Variants in BBS9 observed in about 807,000 individuals in gnomAD.
BBS9 encodes Bardet-Biedl syndrome 9.
BBS9 carries 89 observed loss-of-function variants against 117.7 expected under a neutral mutation model. The ratio of observed to expected loss-of-function variants is 0.76; its 90% CI spans 0.64 to 0.90. BBS9 has a LOEUF of 0.90. Among genes scored for constraint, BBS9 ranks in the 40% least tolerant of loss-of-function variants. BBS9 has a pLI of 0.00. For synonymous variants in BBS9, 379 were observed against 370.9 expected (o/e 1.02, Z -0.25); for missense variants, 982 against 1,042.2 (o/e 0.94, Z 0.80).
At position 33,167,164 on chromosome 7, in the gene BBS9, T is replaced by C. The variant is rs773771407; in HGVS notation, c.329-10314T>C. 4.8e-4 allele frequency among the ~76,000 whole-genome samples: 73 copies of C among 152,358 alleles called. 1 individual carries two copies. In the Middle Eastern group the frequency reaches 0.01, roughly 21 times the overall value. On this transcript the variant is annotated intron_variant, in intron 4 of 22. Transcript: ENST00000242067. ...AGTCCATGCTTAATGTTGGACTTAA[T>C]GTCCTCTTAAATAACAGTTGTTTCT...
intron 6 of BBS9, among the ~76,000 whole-genome samples, chr7:33,261,520 G>A (rs764130713): frequency 6.6e-6 from 1 of 152,128 alleles, no homozygotes. Flanking sequence ...TCTGTGTCTC[G>A]AGCTTCCATT....
At chr7:33,565,765 A>T (rs1856743087) in intron 21 of BBS9, among the ~76,000 whole-genome samples, 3 of 126,712 alleles carry the variant, frequency 2.4e-5, no homozygotes, top group Admixed American at 1.6e-4. Context: ...AATACAAAAC[A>T]TTAAGGCTAT....
At chr7:33,530,197 C>T (rs17170281) in intron 20 of BBS9, among the ~76,000 whole-genome samples, 16,796 of 152,190 alleles carry the variant, frequency 0.11, 1,267 homozygotes, top group Admixed American at 0.27. Flanking sequence ...GCAATTCAGT[C>T]CCTCCAAGTA....
chr7:33,372,222 T>G (rs78147522), intron 17 of BBS9, among the ~76,000 whole-genome samples: 1,643 of 152,254 alleles, frequency 0.011, 18 homozygotes, highest in African/African-American at 0.037. Context: ...GGGACTGGAT[T>G]GCTAAAGTGG....
At chr7:33,500,066 A>G (rs1845233580) in intron 19 of BBS9, among the ~76,000 whole-genome samples, 1 of 152,226 alleles carries the variant, frequency 6.6e-6, no homozygotes, top group Non-Finnish European at 1.5e-5. Flanking sequence ...AAAAAACCTT[A>G]GTATGTTAAC....
At chr7:33,320,437 C>T (rs1256074005) in intron 9 of BBS9, among the ~76,000 whole-genome samples, 1 of 152,112 alleles carries the variant, frequency 6.6e-6, no homozygotes, top group Non-Finnish European at 1.5e-5. Context: ...CTTTTTATGG[C>T]TGAATAGTAT....
intron 5 of BBS9, among the ~76,000 whole-genome samples, chr7:33,255,623 A>G (rs1167150233): frequency 6.6e-6 from 1 of 152,158 alleles, no homozygotes; most frequent in African/African-American, 2.4e-5. Context: ...GAAAATTTGC[A>G]TGATTTTTAT....
intron 5 of BBS9, among the ~76,000 whole-genome samples, chr7:33,181,089 C>T (rs554367415): frequency 1.1e-4 from 17 of 152,202 alleles, no homozygotes; most frequent in African/African-American, 2.4e-4. Context: ...GTCCTATCTG[C>T]GATTCCGTGG....
intron 17 of BBS9, among the ~76,000 whole-genome samples, chr7:33,374,199 A>C (rs1823382049): frequency 6.6e-6 from 1 of 152,188 alleles, no homozygotes; most frequent in Non-Finnish European, 1.5e-5. Flanking sequence ...TTGAGGAAGG[A>C]GTAGGAGACT....
chr7:33,507,186 AT>A (rs902355561), intron 20 of BBS9, among the ~76,000 whole-genome samples: 1 of 152,268 alleles, frequency 6.6e-6, no homozygotes, highest in Admixed American at 6.5e-5. Context: ...TTTTATGTAT[AT>A]TATTTATTGT....
At chr7:33,515,394 C>T (rs893081879) in intron 20 of BBS9, among the ~76,000 whole-genome samples, 19 of 152,164 alleles carry the variant, frequency 1.2e-4, no homozygotes, top group Admixed American at 3.3e-4. Context: ...TTGTCCCTCC[C>T]GTGTACTATA....
At chr7:33,582,487 C>G (rs139237498) in intron 21 of BBS9, among the ~76,000 whole-genome samples, 1 of 151,926 alleles carries the variant, frequency 6.6e-6, no homozygotes, top group South Asian at 2.1e-4. Context: ...GATATGATCA[C>G]TGTTCCCTTT....
chr7:33,229,636 C>G (rs1791951314), intron 5 of BBS9, among the ~76,000 whole-genome samples: 1 of 152,108 alleles, frequency 6.6e-6, no homozygotes, highest in Admixed American at 6.5e-5. Flanking sequence ...CTATATACCA[C>G]AGTTTCTTTA....
chr7:33,227,861 A>G (rs1277127830), intron 5 of BBS9, among the ~76,000 whole-genome samples: 2 of 152,182 alleles, frequency 1.3e-5, no homozygotes, highest in African/African-American at 2.4e-5. Flanking sequence ...TTGTTGGTTA[A>G]TGGGCACTTA....
At chr7:33,556,074 C>T (rs17170288) in intron 21 of BBS9, among the ~76,000 whole-genome samples, 1,875 of 152,208 alleles carry the variant, frequency 0.012, 30 homozygotes, top group African/African-American at 0.043. Context: ...TGAAGTAGTA[C>T]GTATTTGGAT....
intron 19 of BBS9, among the ~76,000 whole-genome samples, chr7:33,400,937 T>C (rs1828804518): frequency 6.6e-6 from 1 of 152,240 alleles, no homozygotes; most frequent in African/African-American, 2.4e-5. Context: ...TAAATATATT[T>C]GTCACACTAC....
chr7:33,514,799 TG>T (rs1323137992), intron 20 of BBS9, among the ~76,000 whole-genome samples: 3 of 152,214 alleles, frequency 2.0e-5, no homozygotes, highest in Non-Finnish European at 2.9e-5. Flanking sequence ...TTCAGGGTTT[TG>T]GTTCTTAATT....
At chr7:33,630,815 T>G (rs1392604033) in intron 21 of BBS9, among the ~76,000 whole-genome samples, 2 of 151,214 alleles carry the variant, frequency 1.3e-5, no homozygotes, top group Non-Finnish European at 3.0e-5. Flanking sequence ...CTCACTCATT[T>G]ATGCATTCTT....
chr7:33,340,529 A>G (rs1451230412), intron 10 of BBS9, among the ~76,000 whole-genome samples: 1 of 152,112 alleles, frequency 6.6e-6, no homozygotes, highest in African/African-American at 2.4e-5. Flanking sequence ...CATTCTTGGG[A>G]GTAGAATTAA....
Sources: allele counts gnomAD v4.1 joint callset (sites outside exome capture counted in the v4.1 genomes callset), GRCh38; gene constraint gnomAD v4.1.1; transcripts MANE v1.5; gene names NCBI Gene and HGNC (gene_info 2026-07-23, HGNC 2026-07-21).